The following CACNA1D variants were observed in gnomAD, a reference collection of about 807,000 sequenced individuals.
CACNA1D encodes voltage-dependent L-type calcium channel subunit alpha-1D.
Under a neutral mutation model 257.1 loss-of-function variants are expected in CACNA1D, and 55 were observed. That is an observed-to-expected ratio of 0.21 (90% CI 0.17 to 0.27). The LOEUF (loss-of-function observed/expected upper bound fraction) is 0.27, where lower values mean the gene tolerates loss of function less well. Ranked by LOEUF, CACNA1D falls within the 10% of genes least tolerant of loss-of-function variation. The probability of loss-of-function intolerance (pLI) is 1.00; values close to 1 mark genes in which losing one functional copy is unlikely to be tolerated. For missense variants in CACNA1D, 1,876 were observed against 2,784.0 expected, an observed-to-expected ratio of 0.67 and a Z score of 7.34; for synonymous variants, 980 against 1,014.9, an observed-to-expected ratio of 0.97 and a Z score of 0.65.
At chr3:53,608,963 G>A (rs1302740346) in intron 3 of CACNA1D, among the ~76,000 whole-genome samples, 1 of 152,152 alleles carries the variant, frequency 6.6e-6, no homozygotes, top group Non-Finnish European at 1.5e-5. Flanking sequence ...GTCTGGTATT[G>A]TTGGCTTCAT....
rs574127838 is a variant in CACNA1D, at chr3:53,525,030, C to T, written c.483+23310C>T. On this transcript the variant is annotated intron_variant, in intron 3 of 47. Transcript: ENST00000350061. ...TGCTACCCACACAGCAGCCTCCTCCCTCACTCTCTCCTTCATGTATGTGTG... is the reference window on the plus strand; with the variant it reads ...TGCTACCCACACAGCAGCCTCCTCCTTCACTCTCTCCTTCATGTATGTGTG... Among the ~76,000 whole-genome samples the T allele has an allele frequency of 3.9e-5, 6 of 152,286 alleles. No homozygotes were observed. In the South Asian group the frequency reaches 1.2e-3, roughly 32 times the overall value.
intron 3 of CACNA1D, among the ~76,000 whole-genome samples, chr3:53,524,133 G>A (rs1032538499): frequency 1.3e-5 from 2 of 152,298 alleles, no homozygotes; most frequent in Admixed American, 1.3e-4. Context: ...GTGAGGGGAG[G>A]ATGGGGGGAA....
chr3:53,801,340 G>T lies in CACNA1D; in HGVS notation c.5323G>T (p.Gly1775Trp). 6.2e-7 allele frequency: 1 copy of T among 1,614,172 alleles called. No individual in the cohort carries two copies. The highest frequency in any genetic ancestry group is 8.5e-7 in the Non-Finnish European group (1 of 1,180,036). ...TGCCCATGGAAAGCGGCCCAGCATT[G>T]GGAACCTTGAGCATGTGTCTGAAAA... Reference protein sequence around the residue: ...KAAHGKRPSIGNLEHVSENGH... With the variant: ...KAAHGKRPSIWNLEHVSENGH... The change falls in exon 42 of 48, where the codon GGG (glycine) becomes TGG (tryptophan). Residue 1775 changes from glycine to tryptophan, a missense_variant. Gly to Trp is a radical substitution (Grantham distance 184). Transcript: ENST00000350061.
At chr3:53,790,494 C>G (rs531520280) in intron 40 of CACNA1D, among the ~76,000 whole-genome samples, 364 of 152,362 alleles carry the variant, frequency 2.4e-3, no homozygotes, top group African/African-American at 6.9e-3. Context: ...CAGATGGGAG[C>G]CTTTCCATCT....
intron 8 of CACNA1D, among the ~76,000 whole-genome samples, chr3:53,695,745 C>A (rs1351883709): frequency 6.6e-6 from 1 of 152,120 alleles, no homozygotes; most frequent in African/African-American, 2.4e-5. Context: ...TAAATCCAAC[C>A]CATCACCCAG....
chr3:53,667,911 G>C (rs1230961658), intron 7 of CACNA1D, among the ~76,000 whole-genome samples: 1 of 151,346 alleles, frequency 6.6e-6, no homozygotes. Context: ...AGAGGAAGGA[G>C]GAAGGAGATG....
At chr3:53,662,536 C>A (rs1003348827) in intron 5 of CACNA1D, among the ~76,000 whole-genome samples, 26 of 152,304 alleles carry the variant, frequency 1.7e-4, no homozygotes, top group Non-Finnish European at 1.6e-4. Context: ...GGTCTACCTG[C>A]ATCTTTTAGA....
At position 53,665,667 on chromosome 3, in the gene CACNA1D, A is replaced by T. The variant is rs1233762484; in HGVS notation, c.774A>T (p.Gln258His). The T allele has an allele frequency of 6.2e-7, 1 of 1,613,098 alleles. No individual in the cohort carries two copies. Among genetic ancestry groups the T allele is most frequent in the South Asian group, 1.1e-5 (1 of 91,042 alleles). ...LRLVSGVPSLQVVLNSIIKAM... is the reference protein window; with the variant it reads ...LRLVSGVPSLHVVLNSIIKAM... ...TTTTTTTGTCTTTCCTAGGTTTACA[A>T]GTTGTCCTGAACTCCATTATAAAAG... Residue 258 changes from glutamine to histidine, a missense_variant, in exon 6 of 48, where the codon CAA becomes CAT. Around this residue, in one of 10 missense-constraint regions of CACNA1D, gnomAD observed 188 missense variants for 390.4 expected, o/e 0.48. Transcript: ENST00000350061.
chr3:53,571,790 T>G (rs1239985757), intron 3 of CACNA1D, among the ~76,000 whole-genome samples: 2 of 152,204 alleles, frequency 1.3e-5, no homozygotes, highest in Non-Finnish European at 2.9e-5. Flanking sequence ...TGCAAAGGCC[T>G]AGTTACAAAA....
At chr3:53,598,441 T>TGGGCATGGTGGCTCAGGCC (rs2093399249) in intron 3 of CACNA1D, among the ~76,000 whole-genome samples, 1 of 151,404 alleles carries the variant, frequency 6.6e-6, no homozygotes, top group African/African-American at 2.4e-5. Flanking sequence ...AAAATTAGTT[T>TGGGCATGGTGGCTCAGGCC]GGGCATGGTG....
rs573619862 is a variant in CACNA1D, at chr3:53,787,948, CT to C, written c.4923+997del. ...CTATTTACGCCACAATTTTATGCCC[CT>C]GTTCTCAGTACATGTTAAATTTGGC... On this transcript the variant is annotated intron_variant, in intron 40 of 47. Transcript: ENST00000350061. Among the ~76,000 whole-genome samples, 66 of 152,178 alleles carry C rather than the reference CT, an allele frequency of 4.3e-4. 3 individuals carry two copies. The highest frequency in any genetic ancestry group is 2.4e-4 in the Non-Finnish European group (16 of 68,046).
intron 3 of CACNA1D, among the ~76,000 whole-genome samples, chr3:53,556,119 C>T (rs530708285): frequency 7.2e-5 from 11 of 152,204 alleles, no homozygotes; most frequent in South Asian, 6.2e-4. Flanking sequence ...GTGGAGAAAT[C>T]GTTCTTTTTT....
At chr3:53,657,757 G>A (rs1246645183) in intron 4 of CACNA1D, among the ~76,000 whole-genome samples, 1 of 152,190 alleles carries the variant, frequency 6.6e-6, no homozygotes, top group Non-Finnish European at 1.5e-5. Context: ...TCCAACTACA[G>A]TCTGTATCTC....
chr3:53,539,354 C>T (rs554663016), intron 3 of CACNA1D, among the ~76,000 whole-genome samples: 13 of 152,134 alleles, frequency 8.5e-5, no homozygotes, highest in African/African-American at 2.4e-4. Context: ...GTGATCTGCC[C>T]GCCTCCGCCT....
chr3:53,509,889 G>A (rs149715179), intron 3 of CACNA1D, among the ~76,000 whole-genome samples: 37 of 152,292 alleles, frequency 2.4e-4, no homozygotes, highest in Non-Finnish European at 4.3e-4. Context: ...ATAAGAGGAC[G>A]TATTTATAAG....
At chr3:53,496,022 A>T (rs539301539) in intron 1 of CACNA1D, among the ~76,000 whole-genome samples, 5 of 152,172 alleles carry the variant, frequency 3.3e-5, no homozygotes, top group African/African-American at 1.2e-4. Flanking sequence ...GCGCTCCCCT[A>T]GGGAGAAGCT....
At chr3:53,639,600 A>G (rs556026605) in intron 3 of CACNA1D, among the ~76,000 whole-genome samples, 3 of 152,146 alleles carry the variant, frequency 2.0e-5, no homozygotes, top group African/African-American at 7.2e-5. Flanking sequence ...GTTAGCTAGG[A>G]TGGCCTCCAT....
chr3:53,701,701 G>A (rs1559537798), intron 8 of CACNA1D, among the ~76,000 whole-genome samples: 1 of 152,232 alleles, frequency 6.6e-6, no homozygotes, highest in Non-Finnish European at 1.5e-5. Context: ...ACTCACGGTT[G>A]GAGATGCAGA....
At chr3:53,563,608 C>T (rs550266401) in intron 3 of CACNA1D, among the ~76,000 whole-genome samples, 2 of 150,914 alleles carry the variant, frequency 1.3e-5, no homozygotes, top group South Asian at 4.2e-4. Flanking sequence ...TTTAATTCCT[C>T]AGCAACACTT....
Sources: gnomAD v4.1 joint callset for allele counts (sites outside exome capture counted in the v4.1 genomes callset) on GRCh38, gnomAD v4.1.1 for gene constraint, gnomAD v4.1.1 regional missense constraint, MANE v1.5 for transcripts, NCBI Gene and HGNC (gene_info 2026-07-23, HGNC 2026-07-21) for gene names.